The following TRPM3 variants were observed in gnomAD, a reference collection of about 807,000 sequenced individuals.
TRPM3 encodes the protein long transient receptor potential channel 3.
TRPM3 carries 77 observed loss-of-function variants against 181.2 expected under a neutral mutation model. The ratio of observed to expected loss-of-function variants is 0.42; its 90% CI spans 0.35 to 0.51. TRPM3 has a LOEUF of 0.51. Ranked by LOEUF, TRPM3 falls within the 20% of genes least tolerant of loss-of-function variation. The probability of loss-of-function intolerance (pLI) is 0.01; values close to 1 mark genes in which losing one functional copy is unlikely to be tolerated. For synonymous variants in TRPM3, 745 were observed against 796.4 expected, an observed-to-expected ratio of 0.94 and a Z score of 1.09; for missense variants, 1,759 against 2,196.7, an observed-to-expected ratio of 0.80 and a Z score of 3.98.
At chr9:70,552,744 G>T in intron 24 of TRPM3, 100 bp downstream of exon 24, 1 of 1,236,800 alleles carries the variant, frequency 8.1e-7, no homozygotes, top group Non-Finnish European at 1.2e-6. Context: ...GCCTGCAAGA[G>T]GTAGGAGGAA....
At chr9:70,905,153 T>C (rs1217295789) in intron 1 of TRPM3, among the ~76,000 whole-genome samples, 1 of 152,210 alleles carries the variant, frequency 6.6e-6, no homozygotes. Context: ...TGGGTCATAT[T>C]CTAGAGGAGC....
intron 5 of TRPM3, among the ~76,000 whole-genome samples, chr9:70,836,411 C>T (rs2094326542): frequency 6.6e-6 from 1 of 152,176 alleles, no homozygotes; most frequent in Non-Finnish European, 1.5e-5. Flanking sequence ...TCTCTGCCAA[C>T]TCTGCTTCTC....
At chr9:71,342,970 T>C (rs1262813513) in intron 1 of TRPM3, among the ~76,000 whole-genome samples, 1 of 152,040 alleles carries the variant, frequency 6.6e-6, no homozygotes, top group African/African-American at 2.4e-5. Context: ...TTTAAAAATA[T>C]CTACAATAGT....
intron 1 of TRPM3, among the ~76,000 whole-genome samples, chr9:71,399,170 A>C (rs1359858255): frequency 6.6e-6 from 1 of 152,210 alleles, no homozygotes; most frequent in Admixed American, 6.5e-5. Context: ...TAGGAGACTA[A>C]GATAGTATAA....
intron 1 of TRPM3, among the ~76,000 whole-genome samples, chr9:71,147,791 T>C (rs2075505489): frequency 6.6e-6 from 1 of 152,180 alleles, no homozygotes; most frequent in Non-Finnish European, 1.5e-5. Flanking sequence ...GACAAAGGTA[T>C]GTGCACAACT....
At chr9:71,269,387 G>T (rs1308621447) in intron 1 of TRPM3, among the ~76,000 whole-genome samples, 1 of 151,930 alleles carries the variant, frequency 6.6e-6, no homozygotes, top group East Asian at 1.9e-4. Context: ...AGCATGTCTG[G>T]TTTAAGAGAA....
intron 6 of TRPM3, among the ~76,000 whole-genome samples, chr9:70,793,315 G>A (rs1391982543): frequency 1.3e-5 from 2 of 151,716 alleles, no homozygotes; most frequent in African/African-American, 2.4e-5. Context: ...AAATTAGTGG[G>A]GTTTGATGCA....
chr9:71,215,047 C>CAAAAAAAAAAAAAAAAAAAAAA (rs72383590), intron 1 of TRPM3, among the ~76,000 whole-genome samples: 1 of 112,550 alleles, frequency 8.9e-6, no homozygotes, highest in African/African-American at 3.6e-5. Context: ...AAAAAAAAAA[C>CAAAAAAAAAAAAAAAAAAAAAA]AAAAAAAAAA....
chr9:71,282,071 G>GAAA (rs1201613774), intron 1 of TRPM3, among the ~76,000 whole-genome samples: 2 of 29,348 alleles, frequency 6.8e-5, no homozygotes, highest in South Asian at 9.0e-4. Flanking sequence ...GAGAAAGAAA[G>GAAA]GAAAGAAAGG....
At chr9:70,791,925 C>G (rs1350332305) in intron 6 of TRPM3, among the ~76,000 whole-genome samples, 2 of 152,150 alleles carry the variant, frequency 1.3e-5, no homozygotes, top group Non-Finnish European at 2.9e-5. Context: ...GACTGGCCTT[C>G]TTTTGGGGCA....
At position 70,915,475 on chromosome 9, in the gene TRPM3, T is replaced by A. The variant is rs868130522; in HGVS notation, c.178-50964A>T. Among the ~76,000 whole-genome samples, 968 of 151,584 alleles carry A rather than the reference T, an allele frequency of 6.4e-3. 5 individuals carry two copies. The highest frequency in any genetic ancestry group is 0.014 in the Middle Eastern group (4 of 294). ...ACCATGCCCGGCTAATTTTTTTTTT[T>A]TTTTTATTTTTAGTAGAGACGGGGT... On this transcript the variant is annotated intron_variant, in intron 1 of 25. Transcript: ENST00000677713.
intron 1 of TRPM3, among the ~76,000 whole-genome samples, chr9:71,357,147 A>T (rs921597407): frequency 6.6e-6 from 1 of 152,190 alleles, no homozygotes; most frequent in African/African-American, 2.4e-5. Flanking sequence ...GGGGAAAACA[A>T]TTATTAAAAT....
chr9:70,784,347 C>A, intron 6 of TRPM3, 68 bp from the exon 7 acceptor site: 1 of 1,462,088 alleles, frequency 6.8e-7, no homozygotes, highest in Admixed American at 2.6e-5. Flanking sequence ...ACCAAAGAAA[C>A]AAAAAGAGAA....
At chr9:70,542,501 T>G (rs965536647) in intron 25 of TRPM3, among the ~76,000 whole-genome samples, 3 of 152,240 alleles carry the variant, frequency 2.0e-5, no homozygotes, top group East Asian at 1.9e-4. Context: ...GAAGGCCCAG[T>G]GGGTGGGTGC....
chr9:70,795,001 TC>T (rs1180838477), intron 6 of TRPM3, among the ~76,000 whole-genome samples: 1 of 152,212 alleles, frequency 6.6e-6, no homozygotes, highest in African/African-American at 2.4e-5. Flanking sequence ...TTGTCCTCAT[TC>T]CCTAAACAAT....
chr9:70,594,700 A>G (rs1278463324), intron 21 of TRPM3, among the ~76,000 whole-genome samples: 1 of 152,174 alleles, frequency 6.6e-6, no homozygotes, highest in East Asian at 1.9e-4. Context: ...GACTCATAGT[A>G]CCAATTTCAA....
At chr9:71,168,387 G>A (rs2076638485) in intron 1 of TRPM3, among the ~76,000 whole-genome samples, 1 of 151,862 alleles carries the variant, frequency 6.6e-6, no homozygotes, top group South Asian at 2.1e-4. Flanking sequence ...TGGGTAGAAA[G>A]GAAGACAGTA....
intron 1 of TRPM3, among the ~76,000 whole-genome samples, chr9:71,011,448 A>T (rs2097738005): frequency 1.3e-5 from 2 of 152,126 alleles, no homozygotes; most frequent in African/African-American, 4.8e-5. Flanking sequence ...ATCATTTTTT[A>T]AATTATAAAA....
chr9:71,268,906 T>C (rs1181488818), intron 1 of TRPM3, among the ~76,000 whole-genome samples: 3 of 151,948 alleles, frequency 2.0e-5, no homozygotes, highest in Non-Finnish European at 4.4e-5. Flanking sequence ...TGCACTAAAC[T>C]TTGACAAAGA....
Sources: gnomAD v4.1 joint callset for allele counts (sites outside exome capture counted in the v4.1 genomes callset) on GRCh38, gnomAD v4.1.1 for gene constraint, MANE v1.5 for transcripts, NCBI Gene and HGNC (gene_info 2026-07-23, HGNC 2026-07-21) for gene names.